The following HS1BP3 variants were observed in gnomAD, a reference collection of about 807,000 sequenced individuals.
The protein encoded by HS1BP3 is HCLS1 binding protein 3.
A neutral mutation model predicts 33.5 loss-of-function variants in HS1BP3; 32 were observed. The ratio of observed to expected loss-of-function variants is 0.95; its 90% confidence interval spans 0.72 to 1.28. The LOEUF is 1.28. Among genes scored for constraint, HS1BP3 ranks in the 50% most tolerant of loss-of-function variants. The pLI is 0.00. For synonymous variants in HS1BP3, 187 were observed against 209.2 expected (o/e 0.89, Z 0.92); for missense variants, 486 against 502.3 (o/e 0.97, Z 0.31).
At chr2:20,633,784 G>T (rs759591831) in intron 4 of HS1BP3, among the ~76,000 whole-genome samples, 6 of 152,308 alleles carry the variant, frequency 3.9e-5, no homozygotes, top group Admixed American at 3.9e-4. Context: ...CAGCTGCCCA[G>T]AGTGCTGGGA....
chr2:20,640,043 ATTTGT>A (rs1357110310), intron 3 of HS1BP3: 2 of 152,224 alleles, frequency 1.3e-5, no homozygotes, highest in African/African-American at 4.8e-5. Context: ...ACTTTAAATA[ATTTGT>A]TTTATTTACG....
At chr2:20,595,316 A>T (rs1235122124) in intron 3 of HS1BP3, among the ~76,000 whole-genome samples, 1 of 152,192 alleles carries the variant, frequency 6.6e-6, no homozygotes, top group Non-Finnish European at 1.5e-5. Context: ...ACCCACGGGA[A>T]GGGGGATCCT....
intron 5 of HS1BP3, among the ~76,000 whole-genome samples, chr2:20,567,127 A>G (rs1015082083): frequency 2.6e-5 from 4 of 152,102 alleles, no homozygotes; most frequent in Non-Finnish European, 5.9e-5. Flanking sequence ...TCTGATGAAT[A>G]TTACTAGTTC....
At position 20,645,478 on chromosome 2, in the gene HS1BP3, G is replaced by A. The variant is rs571905436; in HGVS notation, c.60C>T (p.Leu20=). Residue 20 remains leucine (L), a synonymous_variant, in exon 2 of 7, where the codon CTC becomes CTT. Transcript: ENST00000304031. ...SRRLQNAHTG[L]DLTVPQHQEV... is the part of the protein sequence containing the mutation. ...CCTGGTGCTGGGGCACAGTCAGGTC[G>A]AGGCCAGTGTGGGCATTCTGAAGTC... 1.4e-5 allele frequency: 23 copies of A among 1,613,568 alleles called. No individual in the cohort carries two copies. In the African/African-American group the frequency reaches 2.7e-4, roughly 19 times the overall value.
intron 4 of HS1BP3, chr2:20,636,490 T>C (rs529211440): frequency 6.6e-6 from 1 of 152,368 alleles, no homozygotes; most frequent in Non-Finnish European, 1.5e-5. Context: ...GACCCTGAAC[T>C]TGAGTTTCCC....
chr2:20,624,729 T>TA lies in HS1BP3; in HGVS notation c.784+2dup, dbSNP rs1694716969. ...CAGGAGCAGACCATGGGGCTCTACT[T>TA]ACGGTCCACGGATGACACGTCCTCC... On this transcript the variant is annotated splice_region_variant and intron_variant, in intron 5 of 6. Transcript: ENST00000304031. The TA allele has an allele frequency of 6.3e-7, 1 of 1,589,052 alleles. No homozygotes were observed. Among genetic ancestry groups the TA allele is most frequent in the Admixed American group, 1.8e-5 (1 of 55,144 alleles).
chr2:20,560,008 T>A (rs1287915077), downstream of HS1BP3, among the ~76,000 whole-genome samples: 1 of 152,120 alleles, frequency 6.6e-6, no homozygotes, highest in East Asian at 1.9e-4. Flanking sequence ...CCAGGTGACC[T>A]GTTTCTAAGT....
At chr2:20,569,202 A>G (rs139857590) in intron 5 of HS1BP3, among the ~76,000 whole-genome samples, 191 of 152,272 alleles carry the variant, frequency 1.3e-3, no homozygotes, top group African/African-American at 4.3e-3. Context: ...AAAGGCAGAG[A>G]AACATGTTTA....
At chr2:20,566,920 CTT>C (rs751656170) in intron 5 of HS1BP3, among the ~76,000 whole-genome samples, 1 of 152,038 alleles carries the variant, frequency 6.6e-6, no homozygotes, top group Admixed American at 6.6e-5. Context: ...CACAGGTTCT[CTT>C]TTCCCATTCC....
intron 5 of HS1BP3, among the ~76,000 whole-genome samples, chr2:20,571,330 G>C (rs1693267362): frequency 6.6e-6 from 1 of 152,126 alleles, no homozygotes; most frequent in South Asian, 2.1e-4. Flanking sequence ...AGCCCTAGCA[G>C]AGGCCCCTCC....
intron 4 of HS1BP3, chr2:20,635,042 G>A (rs1176071906): frequency 6.6e-6 from 1 of 152,108 alleles, no homozygotes; most frequent in Non-Finnish European, 1.5e-5. Context: ...GGGCCCTGAG[G>A]GCGGGGGTGG....
At chr2:20,574,483 C>G (rs927099008) in intron 5 of HS1BP3, among the ~76,000 whole-genome samples, 1 of 152,134 alleles carries the variant, frequency 6.6e-6, no homozygotes, top group African/African-American at 2.4e-5. Context: ...TGCGAAGGGC[C>G]CTAGGCTTGG....
At chr2:20,583,522 A>G (rs116544384) in intron 5 of HS1BP3, among the ~76,000 whole-genome samples, 2,442 of 152,220 alleles carry the variant, frequency 0.016, 61 homozygotes, top group African/African-American at 0.057. Context: ...TAGCCCCACC[A>G]ATTCTCAGCA....
In HS1BP3 at chr2:20,624,863, A is replaced by G. The variant is rs898561090; in HGVS notation, c.653T>C (p.Val218Ala). The change falls in exon 5 of 7, where the codon GTG becomes GCG. Residue 218 changes from valine to alanine, a missense_variant. Transcript: ENST00000304031. ...GGGCGAGGGCTTGGCTTTCACGGCCACTTTGGGATGTTTCTTGGGCTTCTT... is the reference window on the plus strand; with the variant it reads ...GGGCGAGGGCTTGGCTTTCACGGCCGCTTTGGGATGTTTCTTGGGCTTCTT... ...RSKKPKKHPK[V>A]AVKAKPSPRL... The G allele has an allele frequency of 6.2e-7, 1 of 1,613,750 alleles. No homozygotes were observed. The highest frequency in any genetic ancestry group is 8.5e-7 in the Non-Finnish European group (1 of 1,179,972).
At chr2:20,566,356 G>C (rs918261354) in intron 5 of HS1BP3, among the ~76,000 whole-genome samples, 2 of 152,232 alleles carry the variant, frequency 1.3e-5, no homozygotes, top group Non-Finnish European at 2.9e-5. Flanking sequence ...TGTAGTATGT[G>C]GGTCCGGGTG....
intron 5 of HS1BP3, among the ~76,000 whole-genome samples, chr2:20,587,449 C>T (rs1693708902): frequency 6.6e-6 from 1 of 152,116 alleles, no homozygotes; most frequent in Non-Finnish European, 1.5e-5. Context: ...ATGCCACAAG[C>T]CCATTTAGTG....
chr2:20,619,044 G>C lies in HS1BP3; in HGVS notation c.1122C>G (p.Ile374Met). 6.2e-7 allele frequency: 1 copy of C among 1,614,200 alleles called. No homozygotes were observed. The highest frequency in any genetic ancestry group is 8.5e-7 in the Non-Finnish European group (1 of 1,180,028). Residue 374 changes from isoleucine to methionine, a missense_variant, in exon 7 of 7, where the codon ATC becomes ATG. Coordinates refer to ENST00000304031, the MANE Select transcript of HS1BP3 (RefSeq NM_022460.4). ...TATCGTGGTCCTGGATGTACTGCAA[G>C]ATGTCCATCTCGTCCATGGCTTGGA... ...EQIQAMDEMD[I>M]LQYIQDHDTP... is the part of the protein sequence containing the mutation.
intron 5 of HS1BP3, among the ~76,000 whole-genome samples, chr2:20,580,975 G>C (rs947508803): frequency 6.6e-6 from 1 of 152,224 alleles, no homozygotes; most frequent in Non-Finnish European, 1.5e-5. Flanking sequence ...CACAGCCCCA[G>C]GTTAGTGTCC....
At chr2:20,624,153 C>A in intron 5 of HS1BP3, 122 bp from the exon 6 acceptor site, 1 of 1,178,588 alleles carries the variant, frequency 8.5e-7, no homozygotes. Context: ...GATGCCTCTG[C>A]TCAACCTGTC....
Sources: gnomAD v4.1 joint callset for allele counts (sites outside exome capture counted in the v4.1 genomes callset) on GRCh38, gnomAD v4.1.1 for gene constraint, MANE v1.5 for transcripts, NCBI Gene and HGNC (gene_info 2026-07-23, HGNC 2026-07-21) for gene names.